The following ADAM19 variants were observed in gnomAD, a reference collection of about 807,000 sequenced individuals.
The protein encoded by ADAM19 is ADAM metallopeptidase domain 19.
ADAM19 carries 65 observed loss-of-function variants against 114.7 expected under a neutral mutation model. That is an observed-to-expected ratio of 0.57 (90% CI 0.46 to 0.70). The LOEUF (loss-of-function observed/expected upper bound fraction) is 0.70. Ranked by LOEUF, ADAM19 falls within the 30% of genes least tolerant of loss-of-function variation. The probability of loss-of-function intolerance (pLI) is 0.00; values close to 1 mark genes in which losing one functional copy is unlikely to be tolerated. For synonymous variants in ADAM19, 466 were observed against 460.5 expected (o/e 1.01, Z -0.15); for missense variants, 1,063 against 1,204.7 (o/e 0.88, Z 1.74).
At chr5:157,562,896 A>G (rs1191177153) in intron 3 of ADAM19, among the ~76,000 whole-genome samples, 1 of 152,086 alleles carries the variant, frequency 6.6e-6, no homozygotes. Flanking sequence ...CAACACCAAC[A>G]CTATCACTTG....
chr5:157,574,072 T>G (rs1340299162), intron 1 of ADAM19, among the ~76,000 whole-genome samples: 1 of 152,192 alleles, frequency 6.6e-6, no homozygotes, highest in Non-Finnish European at 1.5e-5. Context: ...GCTCATGGTG[T>G]GAAGTGAAAA....
chr5:157,532,098 T>C (rs1241443216), intron 4 of ADAM19, among the ~76,000 whole-genome samples: 2 of 152,200 alleles, frequency 1.3e-5, no homozygotes, highest in African/African-American at 4.8e-5. Context: ...ACATCTGGAT[T>C]GTACTTGATT....
chr5:157,556,209 C>CTTTTTTTTTTTTTTTTTTT (rs68078503), intron 3 of ADAM19, among the ~76,000 whole-genome samples: 10 of 66,326 alleles, frequency 1.5e-4, no homozygotes, highest in East Asian at 9.3e-4. Context: ...TTTTCTTTTT[C>CTTTTTTTTTTTTTTTTTTT]TTTTTTTTTT....
chr5:157,481,031 G>A (rs1335450978), intron 22 of ADAM19, 29 bp from the exon 23 acceptor site: 14 of 1,613,808 alleles, frequency 8.7e-6, no homozygotes, highest in African/African-American at 1.3e-5. Flanking sequence ...GAGGGAGAGA[G>A]ACATCAGCTT....
chr5:157,564,443 G>A lies in ADAM19; in HGVS notation c.181C>T (p.His61Tyr). Reference sequence around the variant, plus strand: ...ACCCTGAGCTCAGCTTTGAGTGGATGCTAAAAGCAACAACAAAACAATGTC... The same window carrying A: ...ACCCTGAGCTCAGCTTTGAGTGGATACTAAAAGCAACAACAAAACAATGTC... ...KTSESPVREK[H>Y]PLKAELRVMA... The change falls in exon 3 of 23, where the codon CAT becomes TAT. Residue 61 changes from histidine (H) to tyrosine (Y), a missense_variant and splice_region_variant. Around this residue, in one of 3 missense-constraint regions of ADAM19, gnomAD observed 615 missense variants for 706.3 expected, o/e 0.87. Coordinates refer to ENST00000257527, the MANE Select transcript of ADAM19 (RefSeq NM_033274.5). 2 of 1,614,054 alleles carry A rather than the reference G, an allele frequency of 1.2e-6. No individual in the cohort carries two copies. Among genetic ancestry groups the A allele is most frequent in the Non-Finnish European group, 1.7e-6 (2 of 1,179,880 alleles).
intron 3 of ADAM19, among the ~76,000 whole-genome samples, chr5:157,551,072 G>C (rs917211771): frequency 5.7e-4 from 86 of 152,072 alleles, no homozygotes; most frequent in African/African-American, 2.0e-3. Context: ...ATCTCTCATT[G>C]TATACAAAAA....
chr5:157,501,894 C>CAA (rs74513880), intron 12 of ADAM19, among the ~76,000 whole-genome samples: 24 of 141,704 alleles, frequency 1.7e-4, no homozygotes, highest in South Asian at 4.5e-4. Context: ...GCTAAAAGTA[C>CAA]AAAAAAAAAA....
At chr5:157,512,421 T>C (rs1755950794) in intron 8 of ADAM19, among the ~76,000 whole-genome samples, 1 of 152,236 alleles carries the variant, frequency 6.6e-6, no homozygotes, top group Non-Finnish European at 1.5e-5. Context: ...GGCCCAAAGT[T>C]AAGCTTCATC....
At position 157,509,468 on chromosome 5, in the gene ADAM19, C is replaced by T. The variant is rs376893246; in HGVS notation, c.739-1G>A. ...TCCGGATGTTCAAGGATCGGTAAAA[C>T]TGAAAGGACACAGAAAAACCACAGT... On this transcript the variant is annotated splice_acceptor_variant, in intron 8 of 22. Coordinates refer to ENST00000257527, the MANE Select transcript of ADAM19 (RefSeq NM_033274.5). LOFTEE classifies it high-confidence loss of function. 1 of 1,582,438 alleles carries T rather than the reference C, an allele frequency of 6.3e-7. No individual in the cohort carries two copies. Among genetic ancestry groups the T allele is most frequent in the Non-Finnish European group, 8.6e-7 (1 of 1,160,960 alleles).
chr5:157,564,503 G>A (rs1054568980), intron 2 of ADAM19, 60 bp from the exon 3 acceptor site: 74 of 1,456,572 alleles, frequency 5.1e-5, no homozygotes, highest in African/African-American at 7.0e-5. Flanking sequence ...TCCCTGGGTC[G>A]GGCACAGGAT....
chr5:157,494,335 A>G (rs1561844813), intron 15 of ADAM19, among the ~76,000 whole-genome samples: 1 of 152,130 alleles, frequency 6.6e-6, no homozygotes, highest in Non-Finnish European at 1.5e-5. Context: ...AATGATGAAT[A>G]AATGAATGAA....
chr5:157,562,580 C>T (rs1372620897), intron 3 of ADAM19, among the ~76,000 whole-genome samples: 1 of 152,214 alleles, frequency 6.6e-6, no homozygotes, highest in Non-Finnish European at 1.5e-5. Flanking sequence ...CCAAAAGATT[C>T]AGCCATTTGC....
Position 157,478,446 on chromosome 5 carries a change from T to G in ADAM19, c.*2503A>C. 1 of 509,286 alleles carries G rather than the reference T, an allele frequency of 2.0e-6. No homozygotes were observed. Among genetic ancestry groups the G allele is most frequent in the South Asian group, 8.5e-5 (1 of 11,826 alleles). 31.5% of individuals were successfully genotyped at this position (509,286 alleles called of 1,614,324 possible). ...TTGCCATCGGTCGGTCTGAGCCTTT[T>G]CACTATTCCCATAAGGCCCCTTCCT... is the stretch of plus-strand genomic sequence containing the variant. On this transcript the variant is annotated 3_prime_UTR_variant, in exon 23 of 23. Coordinates refer to ENST00000257527, the MANE Select transcript of ADAM19 (RefSeq NM_033274.5).
At chr5:157,523,691 T>C (rs1005491238) in intron 5 of ADAM19, among the ~76,000 whole-genome samples, 2 of 152,170 alleles carry the variant, frequency 1.3e-5, no homozygotes, top group Non-Finnish European at 2.9e-5. Flanking sequence ...TAAGCCAAAA[T>C]AAACCTCTTT....
intron 3 of ADAM19, among the ~76,000 whole-genome samples, chr5:157,541,756 C>G (rs1756925353): frequency 6.6e-6 from 1 of 152,178 alleles, no homozygotes; most frequent in African/African-American, 2.4e-5. Flanking sequence ...TTCTATTTAT[C>G]GTCAGACAAA....
chr5:157,565,150 A>T (rs1456622290), intron 2 of ADAM19, among the ~76,000 whole-genome samples: 1 of 152,210 alleles, frequency 6.6e-6, no homozygotes. Flanking sequence ...GGTGCTACAT[A>T]TCCAGAACGG....
chr5:157,534,963 C>T (rs947068834), intron 4 of ADAM19, among the ~76,000 whole-genome samples: 4 of 152,166 alleles, frequency 2.6e-5, no homozygotes, highest in African/African-American at 9.6e-5. Flanking sequence ...CAAGTTCTAG[C>T]CTAAGCCTTG....
intron 10 of ADAM19, 25 bp downstream of exon 10, chr5:157,507,031 C>T (rs200393793): frequency 6.0e-5 from 96 of 1,603,236 alleles, no homozygotes; most frequent in Non-Finnish European, 7.3e-5. Flanking sequence ...CCTTCTGCAG[C>T]GCACACACAC....
At chr5:157,552,269 T>C (rs1324583338) in intron 3 of ADAM19, among the ~76,000 whole-genome samples, 1 of 152,174 alleles carries the variant, frequency 6.6e-6, no homozygotes, top group Admixed American at 6.5e-5. Flanking sequence ...CTTGTGTACG[T>C]TGCTGGTGGG....
Sources: gnomAD v4.1 joint callset for allele counts (sites outside exome capture counted in the v4.1 genomes callset) on GRCh38, gnomAD v4.1.1 for gene constraint, gnomAD v4.1.1 regional missense constraint, MANE v1.5 for transcripts, NCBI Gene and HGNC (gene_info 2026-07-23, HGNC 2026-07-21) for gene names.